FEZF1: variants seen among roughly 807,000 people sequenced by gnomAD.
The protein encoded by FEZF1 is fez family zinc finger protein 1.
FEZF1 carries 8 observed loss-of-function variants against 32.4 expected under a neutral mutation model. The observed-to-expected ratio is 0.25, with a 90% CI of 0.15 to 0.45. The LOEUF is 0.45. Ranked by LOEUF, FEZF1 falls within the 20% of genes least tolerant of loss-of-function variation. The probability of loss-of-function intolerance (pLI) is 1.00; values close to 1 mark genes in which losing one functional copy is unlikely to be tolerated. For missense variants in FEZF1, 546 were observed against 622.3 expected, an observed-to-expected ratio of 0.88 and a Z score of 1.31; for synonymous variants, 259 against 265.2, an observed-to-expected ratio of 0.98 and a Z score of 0.23.
Position 122,304,051 on chromosome 7 carries a change from G to T in FEZF1, c.387C>A (p.Gly129=). Residue 129 remains glycine, a synonymous_variant, in exon 1 of 4, where the codon GGC becomes GGA. Transcript: ENST00000442488. The part of the protein sequence containing the change: ...DLLNCALSLK[G]DLARDALPLQ... ...GCGGCAGCGCGTCGCGGGCCAGGTC[G>T]CCCTTGAGACTCAGTGCGCAGTTGA... 1.3e-6 allele frequency: 2 copies of T among 1,559,292 alleles called. No homozygotes were observed. Among genetic ancestry groups the T allele is most frequent in the Non-Finnish European group, 1.7e-6 (2 of 1,154,482 alleles).
At chr7:122,309,063 C>G (rs1039179271), upstream of FEZF1, among the ~76,000 whole-genome samples, 1 of 152,134 alleles carries the variant, frequency 6.6e-6, no homozygotes, top group Admixed American at 6.5e-5. Flanking sequence ...GGATGGGACA[C>G]AAATAGCAAA....
At position 122,303,820 on chromosome 7, in the gene FEZF1, G is replaced by T; in HGVS notation, c.618C>A (p.Val206=). Residue 206 remains valine, a synonymous_variant, in exon 1 of 4, where the codon GTC becomes GTA. Transcript: ENST00000442488. ...TYLAERNKLV[V]PAVEKYPSGV... is the part of the protein sequence containing the mutation. ...CAGAAGGGTATTTCTCCACCGCCGG[G>T]ACCACCAGTTTATTCCTTTCGGCTA... 6.2e-7 allele frequency: 1 copy of T among 1,614,234 alleles called. No homozygotes were observed. The highest frequency in any genetic ancestry group is 2.2e-5 in the East Asian group (1 of 44,880).
chr7:122,304,649 C>T lies in FEZF1; in HGVS notation c.-212G>A, dbSNP rs1207040011. 1 of 452,742 alleles carries T rather than the reference C, an allele frequency of 2.2e-6. No individual in the cohort carries two copies. The highest frequency in any genetic ancestry group is 4.0e-6 in the Non-Finnish European group (1 of 249,694). 28.0% of individuals were successfully genotyped at this position (452,742 alleles called of 1,614,324 possible). On this transcript the variant is annotated 5_prime_UTR_variant, in exon 1 of 4. Transcript: ENST00000442488. ...CGCAGAGTTCTTGGCGCACCAATGA[C>T]TCGGGGACAATCACTACTTATTTCT...
upstream of FEZF1, chr7:122,305,825 G>C (rs569164236): frequency 1.3e-5 from 2 of 152,396 alleles, no homozygotes; most frequent in Admixed American, 6.5e-5. Context: ...GTGTCCACAG[G>C]TGCACTTGTG....
At chr7:122,303,494 GAA>G in intron 1 of FEZF1, 141 bp downstream of exon 1, 3 of 485,170 alleles carry the variant, frequency 6.2e-6, no homozygotes, top group South Asian at 2.7e-5. Context: ...AGGAAGGAAG[GAA>G]GGAAGGAAGG....
chr7:122,302,737 G>A lies in FEZF1; in HGVS notation c.1069+62C>T, dbSNP rs539691807. The stretch of plus-strand genomic sequence containing the variant: ...TAAACATCGTCTTCTAAAACATCCC[G>A]AAAGTATTAAGTATGGCTTTTCATA... On this transcript the variant is annotated intron_variant, in intron 3 of 3. Transcript: ENST00000442488. This position sits in a 1 kb window ranked among gnomAD's most constrained non-coding sequence, Gnocchi z 4.4. 7 of 1,565,110 alleles carry A rather than the reference G, an allele frequency of 4.5e-6. No individual in the cohort carries two copies. In the East Asian group the frequency reaches 6.7e-5, roughly 15 times the overall value.
upstream of FEZF1, chr7:122,305,886 C>G (rs1241257336): frequency 6.6e-6 from 1 of 152,326 alleles, no homozygotes; most frequent in Non-Finnish European, 1.5e-5. Flanking sequence ...GCCCCCCAGC[C>G]GAACACCCGC....
At chr7:122,308,118 ACT>A (rs1342589500), upstream of FEZF1, among the ~76,000 whole-genome samples, 1 of 152,124 alleles carries the variant, frequency 6.6e-6, no homozygotes, top group African/African-American at 2.4e-5. Flanking sequence ...CAAAATAGAA[ACT>A]CTTACAGTTT....
chr7:122,301,922 T>C lies in FEZF1; in HGVS notation c.*75A>G. The C allele has an allele frequency of 2.0e-6, 3 of 1,521,682 alleles. No homozygotes were observed. Among genetic ancestry groups the C allele is most frequent in the Admixed American group, 2.2e-5 (1 of 44,644 alleles). 94.3% of individuals were successfully genotyped at this position (1,521,682 alleles called of 1,614,324 possible). On this transcript the variant is annotated 3_prime_UTR_variant, in exon 4 of 4. Coordinates refer to ENST00000442488, the MANE Select transcript of FEZF1 (RefSeq NM_001024613.4). ...CATGCCCTGGGGTCTGCAGACGAACTCGGACCAGGAGCTCTAGTCTGCCGC... is the reference window on the plus strand; with the variant it reads ...CATGCCCTGGGGTCTGCAGACGAACCCGGACCAGGAGCTCTAGTCTGCCGC...
At chr7:122,305,654 G>T (rs757618202), upstream of FEZF1, 2 of 152,258 alleles carry the variant, frequency 1.3e-5, no homozygotes, top group African/African-American at 2.4e-5. Flanking sequence ...CTCAGCTAGA[G>T]CTCTCCCGGA....
chr7:122,302,950 A>G lies in FEZF1; in HGVS notation c.937-19T>C, dbSNP rs1264836543. On this transcript the variant is annotated intron_variant, in intron 2 of 3. Transcript: ENST00000442488. The surrounding 1 kb of genome is among the most constrained non-coding windows in gnomAD (Gnocchi z 4.4). ...GTTTTTCCTAAGCAGGAGAAAGGAA[A>G]AGCAGAGACATTTAGATATTTTCTA... is the stretch of plus-strand genomic sequence containing the variant. 1 of 1,592,528 alleles carries G rather than the reference A, an allele frequency of 6.3e-7. No individual in the cohort carries two copies. The highest frequency in any genetic ancestry group is 1.4e-5 in the African/African-American group (1 of 73,830).
intron 1 of FEZF1, 110 bp downstream of exon 1, chr7:122,303,526 GA>G (rs1237255291): frequency 0.015 from 5,786 of 396,968 alleles, 183 homozygotes; most frequent in African/African-American, 0.061. Flanking sequence ...AGGAAGGAAG[GA>G]AGGAAGGAAG....
In FEZF1 at chr7:122,304,429, A is replaced by C; in HGVS notation, c.9T>G (p.Ser3Arg). The C allele has an allele frequency of 6.4e-7, 1 of 1,571,668 alleles. No individual in the cohort carries two copies. Among genetic ancestry groups the C allele is most frequent in the Non-Finnish European group, 8.7e-7 (1 of 1,153,274 alleles). The stretch of plus-strand genomic sequence containing the variant: ...TTTTGGTAGTCGCGTTGTGGCAGCT[A>C]CTGTCCATGTCTGAGTCGCCAGCGT... MD[S>R]SCHNATTKML... Residue 3 changes from serine (S) to arginine (R), a missense_variant, in exon 1 of 4, where the codon AGT (serine) becomes AGG (arginine). Transcript: ENST00000442488.
chr7:122,310,522 G>C (rs1275236713), exon 1 of FEZF1: 1 of 152,316 alleles, frequency 6.6e-6, no homozygotes, highest in Non-Finnish European at 1.5e-5. Flanking sequence ...AGCTCTGTGA[G>C]ACTCCCTTGG....
In FEZF1 at chr7:122,304,216, C is replaced by G. The variant is rs1375523895; in HGVS notation, c.222G>C (p.Met74Ile). 1 of 1,595,682 alleles carries G rather than the reference C, an allele frequency of 6.3e-7. No homozygotes were observed. Among genetic ancestry groups the G allele is most frequent in the Non-Finnish European group, 8.6e-7 (1 of 1,168,640 alleles). ...SLHLNSSIPC[M>I]IPFVPVAYDT... Reference sequence around the variant, plus strand: ...CGTAGGCCACAGGCACGAAGGGGATCATGCAGGGGATCGACGAGTTGAGAT... The same window carrying G: ...CGTAGGCCACAGGCACGAAGGGGATGATGCAGGGGATCGACGAGTTGAGAT... Residue 74 changes from methionine (M) to isoleucine (I), a missense_variant, in exon 1 of 4, where the codon ATG becomes ATC. Transcript: ENST00000442488.
chr7:122,305,153 G>A (rs572715647), upstream of FEZF1: 50 of 152,352 alleles, frequency 3.3e-4, no homozygotes, highest in Middle Eastern at 3.4e-3. Flanking sequence ...GCTCCAGAAA[G>A]CCTCGGCTAG....
At chr7:122,306,602 G>A (rs1385412068), upstream of FEZF1, 2 of 152,256 alleles carry the variant, frequency 1.3e-5, no homozygotes, top group Non-Finnish European at 2.9e-5. Flanking sequence ...GGGGTGGAAA[G>A]GAAGAGAGCT....
Position 122,301,786 on chromosome 7 carries a change from G to T in FEZF1, c.*211C>A. ...AAAACCCTCCAAATTTTTCATAATT[G>T]TTAGTGCCTATATAGAATATAATAC... is the stretch of plus-strand genomic sequence containing the variant. On this transcript the variant is annotated 3_prime_UTR_variant, in exon 4 of 4. Transcript: ENST00000442488. 1 of 477,716 alleles carries T rather than the reference G, an allele frequency of 2.1e-6. No homozygotes were observed. The highest frequency in any genetic ancestry group is 3.5e-6 in the Non-Finnish European group (1 of 286,640). The allele number at this position is 477,716 out of a possible 1,614,324, so 29.6% of individuals were successfully genotyped here. A position where few individuals can be genotyped will look rare whatever the true frequency, so the allele number is the denominator to read the frequency against.
At chr7:122,303,049 C>A in intron 2 of FEZF1, 118 bp from the exon 3 acceptor site, 1 of 1,523,656 alleles carries the variant, frequency 6.6e-7, no homozygotes. Flanking sequence ...GCAAACAATA[C>A]ATGGCATTCA....
Sources: allele counts gnomAD v4.1 joint callset (sites outside exome capture counted in the v4.1 genomes callset), GRCh38; gene constraint gnomAD v4.1.1; non-coding constraint Gnocchi (gnomAD v3.1); transcripts MANE v1.5; gene names NCBI Gene and HGNC (gene_info 2026-07-23, HGNC 2026-07-21).